Variants in WDFY1 observed in about 807,000 individuals in gnomAD.
The protein encoded by WDFY1 is WD repeat and FYVE domain-containing protein 1.
A neutral mutation model predicts 56.4 loss-of-function variants in WDFY1; 32 were observed. The ratio of observed to expected loss-of-function variants is 0.57; its 90% CI spans 0.43 to 0.76. The LOEUF (loss-of-function observed/expected upper bound fraction) is 0.76. Ranked by LOEUF, WDFY1 falls within the 30% of genes least tolerant of loss-of-function variation. The pLI is 0.00. For missense variants in WDFY1, 480 were observed against 545.7 expected, an observed-to-expected ratio of 0.88 and a Z score of 1.20; for synonymous variants, 192 against 197.3, an observed-to-expected ratio of 0.97 and a Z score of 0.23.
At position 223,914,947 on chromosome 2, in the gene WDFY1, ACT is replaced by A. The variant is rs1285717386; in HGVS notation, c.206-2623_206-2622del. On this transcript the variant is annotated intron_variant, in intron 2 of 11. Transcript: ENST00000233055. ...TATACTAAGGCTTGGCTTATTGATC[ACT>A]CTGTCAAGTCACAGGAAAAAGTTTA... 8.5e-5 allele frequency among the ~76,000 whole-genome samples: 13 copies of A among 152,310 alleles called. No homozygotes were observed. In the South Asian group the frequency reaches 2.7e-3, roughly 32 times the overall value.
chr2:223,897,100 CTAAA>C (rs990346387), intron 6 of WDFY1, among the ~76,000 whole-genome samples: 3 of 151,970 alleles, frequency 2.0e-5, no homozygotes, highest in African/African-American at 7.3e-5. Context: ...TCCATTTCAC[CTAAA>C]TAGATTACAT....
intron 4 of WDFY1, among the ~76,000 whole-genome samples, chr2:223,905,607 G>A (rs540164042): frequency 7.2e-5 from 11 of 152,122 alleles, no homozygotes; most frequent in South Asian, 2.1e-4. Context: ...CACACACAAT[G>A]TGTATACACA....
rs71058956 is a variant in WDFY1 at position 223,896,155 on chromosome 2, C to CAAAAAAAAAAAAAAAAAAA, written c.599-544_599-526dup. On this transcript the variant is annotated intron_variant, in intron 6 of 11. Coordinates refer to ENST00000233055, the MANE Select transcript of WDFY1 (RefSeq NM_020830.5). ...TGGGTGACAGAGTGAGACTCTGTCT[C>CAAAAAAAAAAAAAAAAAAA]AAAAAAAAAAAAAAAAAAAAAAAAA... Among the ~76,000 whole-genome samples, 52 of 39,830 alleles carry CAAAAAAAAAAAAAAAAAAA rather than the reference C, an allele frequency of 1.3e-3. 4 individuals carry two copies. Among genetic ancestry groups the CAAAAAAAAAAAAAAAAAAA allele is most frequent in the African/African-American group, 2.5e-3 (24 of 9,476 alleles). 26.1% of individuals were successfully genotyped at this position (39,830 alleles called of 152,430 possible). A position where few individuals can be genotyped will look rare whatever the true frequency, so the allele number is the denominator to read the frequency against.
chr2:223,936,130 T>C (rs1195120897), intron 1 of WDFY1, among the ~76,000 whole-genome samples: 2 of 147,844 alleles, frequency 1.4e-5, no homozygotes, highest in African/African-American at 5.0e-5. Flanking sequence ...AGCATGATCT[T>C]GGCTCACTGC....
chr2:223,880,069 A>C, intron 11 of WDFY1, 55 bp downstream of exon 11: 4 of 1,446,116 alleles, frequency 2.8e-6, no homozygotes, highest in Non-Finnish European at 3.9e-6. Context: ...GCACATTCAC[A>C]GCATGGTAAT....
At chr2:223,910,248 GAATTAACTT>G (rs1693671903) in intron 3 of WDFY1, among the ~76,000 whole-genome samples, 1 of 151,998 alleles carries the variant, frequency 6.6e-6, no homozygotes, top group African/African-American at 2.4e-5. Flanking sequence ...ACCACTATAG[GAATTAACTT>G]ACAATAAATC....
chr2:223,890,246 TG>T (rs1333753018), intron 8 of WDFY1, among the ~76,000 whole-genome samples: 2 of 152,188 alleles, frequency 1.3e-5, no homozygotes, highest in South Asian at 2.1e-4. Flanking sequence ...CTGAGGCAGG[TG>T]GATCACTTGA....
At position 223,922,872 on chromosome 2, in the gene WDFY1, G is replaced by T. The variant is rs567388193; in HGVS notation, c.138-4862C>A. 2.6e-5 allele frequency among the ~76,000 whole-genome samples: 4 copies of T among 152,234 alleles called. No individual in the cohort carries two copies. In the South Asian group the frequency reaches 8.3e-4, roughly 32 times the overall value. On this transcript the variant is annotated intron_variant, in intron 1 of 11. Transcript: ENST00000233055. Reference sequence around the variant, plus strand: ...CTTAAACTAGCCCAAAGTCAAAATCGAACCTACTTAGATTCCAGCATTTTG... The same window carrying T: ...CTTAAACTAGCCCAAAGTCAAAATCTAACCTACTTAGATTCCAGCATTTTG...
At chr2:223,910,188 A>G (rs1272550965) in intron 3 of WDFY1, among the ~76,000 whole-genome samples, 3 of 152,186 alleles carry the variant, frequency 2.0e-5, no homozygotes, top group African/African-American at 7.2e-5. Flanking sequence ...TGGTGCTGGG[A>G]TAACTGGATG....
chr2:223,921,807 A>T (rs1321523521), intron 1 of WDFY1, among the ~76,000 whole-genome samples: 3 of 152,128 alleles, frequency 2.0e-5, no homozygotes, highest in Non-Finnish European at 4.4e-5. Flanking sequence ...TTTTTTAAGA[A>T]TTAAACGATA....
chr2:223,930,089 T>G (rs958805888), intron 1 of WDFY1, among the ~76,000 whole-genome samples: 4 of 152,196 alleles, frequency 2.6e-5, no homozygotes, highest in African/African-American at 9.7e-5. Context: ...AAAGCTCACT[T>G]GGTTCAAAGA....
chr2:223,937,955 A>G (rs1689226635), intron 1 of WDFY1, among the ~76,000 whole-genome samples: 2 of 152,234 alleles, frequency 1.3e-5, no homozygotes, highest in South Asian at 4.1e-4. Flanking sequence ...AACAATTGGT[A>G]AATACACAAA....
chr2:223,907,723 A>G (rs1693621753), intron 3 of WDFY1, among the ~76,000 whole-genome samples: 1 of 152,230 alleles, frequency 6.6e-6, no homozygotes, highest in South Asian at 2.1e-4. Flanking sequence ...GAGCTTCAGC[A>G]TTCACTACTG....
chr2:223,908,977 C>A (rs1693645746), intron 3 of WDFY1, among the ~76,000 whole-genome samples: 2 of 152,176 alleles, frequency 1.3e-5, no homozygotes, highest in South Asian at 4.1e-4. Context: ...TGATTTCACA[C>A]TGGGGTCCGG....
At chr2:223,905,502 CAAAAT>C (rs1410417149) in intron 4 of WDFY1, among the ~76,000 whole-genome samples, 1 of 151,784 alleles carries the variant, frequency 6.6e-6, no homozygotes, top group Non-Finnish European at 1.5e-5. Flanking sequence ...TTAAACAAAA[CAAAAT>C]AAAATAGAAA....
intron 1 of WDFY1, among the ~76,000 whole-genome samples, chr2:223,936,461 TG>T (rs981384599): frequency 8.5e-5 from 13 of 152,152 alleles, no homozygotes; most frequent in African/African-American, 3.1e-4. Context: ...AGGAGATTAG[TG>T]GGACAGATCC....
intron 7 of WDFY1, 48 bp from the exon 8 acceptor site, chr2:223,894,387 C>T (rs1435317150): frequency 6.3e-7 from 1 of 1,592,978 alleles, no homozygotes; most frequent in East Asian, 2.2e-5. Flanking sequence ...CGGAAAAACA[C>T]AGGAACTGTC....
At chr2:223,931,837 T>A (rs1574780780) in intron 1 of WDFY1, among the ~76,000 whole-genome samples, 3 of 151,856 alleles carry the variant, frequency 2.0e-5, no homozygotes, top group Non-Finnish European at 4.4e-5. Flanking sequence ...AGGCATGCAC[T>A]ACCACACCCA....
chr2:223,937,026 T>C (rs1347278522), intron 1 of WDFY1, among the ~76,000 whole-genome samples: 1 of 152,252 alleles, frequency 6.6e-6, no homozygotes, highest in Non-Finnish European at 1.5e-5. Flanking sequence ...GCCATGCGTA[T>C]GACTATAATG....
Sources: allele counts gnomAD v4.1 joint callset (sites outside exome capture counted in the v4.1 genomes callset), GRCh38; gene constraint gnomAD v4.1.1; transcripts MANE v1.5; gene names NCBI Gene and HGNC (gene_info 2026-07-23, HGNC 2026-07-21).